The following VPS13B variants were observed in gnomAD, a reference collection of about 807,000 sequenced individuals.
VPS13B encodes intermembrane lipid transfer protein VPS13B.
Under a neutral mutation model 426.4 loss-of-function variants are expected in VPS13B, and 285 were observed. The ratio of observed to expected loss-of-function variants is 0.67; its 90% CI spans 0.61 to 0.74. VPS13B has a LOEUF of 0.74. VPS13B is among the 30% of genes least tolerant of loss of function. The pLI is 0.00. For synonymous variants in VPS13B, 1,676 were observed against 1,676.4 expected, an observed-to-expected ratio of 1.00 and a Z score of 0.01; for missense variants, 4,537 against 4,782.6, an observed-to-expected ratio of 0.95 and a Z score of 1.51.
chr8:99,752,003 G>A (rs1019590177), intron 39 of VPS13B, among the ~76,000 whole-genome samples: 1 of 152,006 alleles, frequency 6.6e-6, no homozygotes, highest in African/African-American at 2.4e-5. Context: ...TTCTTTCTAG[G>A]GAGACAACTA....
intron 40 of VPS13B, among the ~76,000 whole-genome samples, chr8:99,775,554 G>A (rs1275363865): frequency 6.6e-6 from 1 of 152,166 alleles, no homozygotes; most frequent in Non-Finnish European, 1.5e-5. Context: ...GCCACCATGT[G>A]CAGACATCTT....
chr8:99,813,941 G>C (rs536636525), intron 44 of VPS13B, among the ~76,000 whole-genome samples: 1 of 152,088 alleles, frequency 6.6e-6, no homozygotes, highest in Non-Finnish European at 1.5e-5. Context: ...TGAGACCAGC[G>C]TGGTCAACAT....
chr8:99,665,163 T>A (rs924138636), intron 35 of VPS13B, among the ~76,000 whole-genome samples: 1 of 151,800 alleles, frequency 6.6e-6, no homozygotes, highest in African/African-American at 2.4e-5. Context: ...TTTGATGGGG[T>A]TGTTTGTTTT....
At chr8:99,429,278 A>G (rs1816947538) in intron 21 of VPS13B, among the ~76,000 whole-genome samples, 1 of 149,618 alleles carries the variant, frequency 6.7e-6, no homozygotes, top group South Asian at 2.1e-4. Flanking sequence ...CTTAAAGTAT[A>G]ATAACCAAAA....
At chr8:99,142,509 C>T (rs2132579544) in intron 12 of VPS13B, among the ~76,000 whole-genome samples, 1 of 152,160 alleles carries the variant, frequency 6.6e-6, no homozygotes, top group South Asian at 2.1e-4. Flanking sequence ...CAGGTAATAC[C>T]TACTGTTCAT....
chr8:99,650,586 A>G (rs1015720368), intron 34 of VPS13B, among the ~76,000 whole-genome samples: 14 of 152,212 alleles, frequency 9.2e-5, no homozygotes, highest in Non-Finnish European at 1.2e-4. Context: ...TTTTTCCTAC[A>G]CATACATACC....
At chr8:99,468,147 A>AC (rs1460767835) in intron 24 of VPS13B, among the ~76,000 whole-genome samples, 2 of 151,502 alleles carry the variant, frequency 1.3e-5, no homozygotes, top group Non-Finnish European at 2.9e-5. Context: ...CTATCCCCCG[A>AC]CCCCCCAGCC....
At chr8:99,777,271 C>T (rs914692843) in intron 41 of VPS13B, among the ~76,000 whole-genome samples, 17 of 152,162 alleles carry the variant, frequency 1.1e-4, no homozygotes, top group Admixed American at 2.0e-4. Context: ...TCATTTTTCA[C>T]GCTGCTGATA....
At chr8:99,301,220 A>G (rs1820346696) in intron 19 of VPS13B, among the ~76,000 whole-genome samples, 1 of 152,096 alleles carries the variant, frequency 6.6e-6, no homozygotes, top group Admixed American at 6.6e-5. Flanking sequence ...GTTTCAAAAA[A>G]AAAATTTTTT....
At chr8:99,266,077 T>G (rs1818281294) in intron 17 of VPS13B, among the ~76,000 whole-genome samples, 2 of 152,130 alleles carry the variant, frequency 1.3e-5, no homozygotes, top group Non-Finnish European at 2.9e-5. Flanking sequence ...TTCTCATTAG[T>G]TCATCATTTA....
At chr8:99,717,525 T>C (rs1832972176) in intron 37 of VPS13B, 152 bp downstream of exon 37, 1 of 734,248 alleles carries the variant, frequency 1.4e-6, no homozygotes, top group South Asian at 1.7e-5. Flanking sequence ...TTTATTGAGA[T>C]ATAAGTCATA....
At chr8:99,449,606 G>C (rs1818088970) in intron 23 of VPS13B, among the ~76,000 whole-genome samples, 1 of 152,100 alleles carries the variant, frequency 6.6e-6, no homozygotes, top group Non-Finnish European at 1.5e-5. Flanking sequence ...TGTGATGGAA[G>C]CTACCAATAG....
At chr8:99,850,482 G>A (rs1168399881) in intron 55 of VPS13B, among the ~76,000 whole-genome samples, 1 of 151,780 alleles carries the variant, frequency 6.6e-6, no homozygotes, top group Non-Finnish European at 1.5e-5. Flanking sequence ...ACAGATGTGG[G>A]GTTAATGAGT....
In VPS13B at chr8:99,652,253, C is replaced by T. The variant is rs559672274; in HGVS notation, c.5909-9101C>T. Among the ~76,000 whole-genome samples the T allele has an allele frequency of 1.1e-4, 17 of 152,144 alleles. No individual in the cohort carries two copies. In the South Asian group the frequency reaches 3.3e-3, roughly 30 times the overall value. ...GATTCTACTCCTTACAGCTGTGTGA[C>T]CTTAGGCAAGTTATTTAACCTGTTT... On this transcript the variant is annotated intron_variant, in intron 34 of 61. Transcript: ENST00000357162.
intron 44 of VPS13B, among the ~76,000 whole-genome samples, chr8:99,811,561 A>G (rs1357720103): frequency 1.3e-5 from 2 of 152,172 alleles, no homozygotes; most frequent in African/African-American, 4.8e-5. Context: ...CAGGGACCAC[A>G]ATTTGACTAC....
At chr8:99,656,047 T>G (rs1830007475) in intron 34 of VPS13B, among the ~76,000 whole-genome samples, 1 of 152,236 alleles carries the variant, frequency 6.6e-6, no homozygotes, top group Non-Finnish European at 1.5e-5. Context: ...ATCTGGGAAC[T>G]GAGTTGGGGC....
At chr8:99,596,408 A>T (rs1827017387) in intron 33 of VPS13B, among the ~76,000 whole-genome samples, 1 of 152,000 alleles carries the variant, frequency 6.6e-6, no homozygotes, top group African/African-American at 2.4e-5. Flanking sequence ...CAGACACTCA[A>T]AATAGATATG....
At chr8:99,730,742 G>A (rs1197614327) in intron 39 of VPS13B, among the ~76,000 whole-genome samples, 1 of 151,304 alleles carries the variant, frequency 6.6e-6, no homozygotes, top group Non-Finnish European at 1.5e-5. Context: ...CCTCCTGAAA[G>A]GTACCTGTAG....
chr8:99,351,764 A>G (rs1811908416), intron 19 of VPS13B, among the ~76,000 whole-genome samples: 1 of 152,132 alleles, frequency 6.6e-6, no homozygotes, highest in Admixed American at 6.5e-5. Context: ...AACTATTTCC[A>G]TTAAATGTGA....
Sources: allele counts gnomAD v4.1 joint callset (sites outside exome capture counted in the v4.1 genomes callset), GRCh38; gene constraint gnomAD v4.1.1; transcripts MANE v1.5; gene names NCBI Gene and HGNC (gene_info 2026-07-23, HGNC 2026-07-21).